Variants in PRKACB observed in about 807,000 individuals in gnomAD.
PRKACB encodes cAMP-dependent protein kinase catalytic subunit beta.
PRKACB carries 16 observed loss-of-function variants against 51.4 expected under a neutral mutation model. That is an observed-to-expected ratio of 0.31 (90% CI 0.21 to 0.47). The LOEUF is 0.47. Ranked by LOEUF, PRKACB falls within the 20% of genes least tolerant of loss-of-function variation. The probability of loss-of-function intolerance (pLI) is 1.00; values close to 1 mark genes in which losing one functional copy is unlikely to be tolerated. For synonymous variants in PRKACB, 147 were observed against 154.4 expected (o/e 0.95, Z 0.35); for missense variants, 309 against 464.5 (o/e 0.67, Z 3.08).
chr1:84,112,439 G>A (rs1301632649), intron 1 of PRKACB, among the ~76,000 whole-genome samples: 2 of 151,896 alleles, frequency 1.3e-5, no homozygotes, highest in African/African-American at 4.8e-5. Context: ...ATTTCACCAT[G>A]TTGGCCAGGC....
intron 1 of PRKACB, among the ~76,000 whole-genome samples, chr1:84,098,325 C>G (rs1284828225): frequency 1.3e-5 from 2 of 152,054 alleles, no homozygotes; most frequent in Non-Finnish European, 2.9e-5. Flanking sequence ...TTGATGAACA[C>G]AGCTTTTAAT....
chr1:84,137,564 A>C (rs1465113135), intron 1 of PRKACB, among the ~76,000 whole-genome samples: 3 of 152,234 alleles, frequency 2.0e-5, no homozygotes, highest in African/African-American at 7.2e-5. Context: ...GAGGTGAAAA[A>C]ATAATATAAC....
chr1:84,223,690 A>T, intron 9 of PRKACB, among the ~76,000 whole-genome samples: 1 of 151,700 alleles, frequency 6.6e-6, no homozygotes, highest in East Asian at 1.9e-4. Context: ...TTTTTATGCT[A>T]TCTCTCTGTT....
At chr1:84,204,395 C>T (rs1670992439) in intron 8 of PRKACB, 1 of 1,010,932 alleles carries the variant, frequency 9.9e-7, no homozygotes, top group Non-Finnish European at 1.5e-6. Context: ...CTTATTTAAA[C>T]AAGTATCAGT....
rs573403164 is a variant in PRKACB at position 84,164,320 on chromosome 1, A to G, written c.188-14857A>G. On this transcript the variant is annotated intron_variant, in intron 1 of 9. Coordinates refer to ENST00000370685, the MANE Select transcript of PRKACB (RefSeq NM_182948.4). ...TAGCAACAGCACACAGCATTTTAAT[A>G]TCAGTGAGGTCCACAGCTAGCAGTA... 9.1e-6 allele frequency: 14 copies of G among 1,533,032 alleles called. 1 individual carries two copies. The South Asian group carries it at 1.3e-4, about 15-fold the overall frequency. 95.0% of individuals were successfully genotyped at this position (1,533,032 alleles called of 1,614,324 possible).
In PRKACB at chr1:84,102,955, C is replaced by T. The variant is rs140650165; in HGVS notation, c.46+24584C>T. ...GCAATTTCTATTCCTATCTCACCATCGTGTATTGGGCAGATAACTTGTCTC... is the reference window on the plus strand; with the variant it reads ...GCAATTTCTATTCCTATCTCACCATTGTGTATTGGGCAGATAACTTGTCTC... On this transcript the variant is annotated intron_variant, in intron 1 of 8. Coordinates refer to the PRKACB transcript ENST00000370688. 4.8e-3 allele frequency among the ~76,000 whole-genome samples: 730 copies of T among 152,192 alleles called. 21 individuals are homozygous for T. Among genetic ancestry groups the T allele is most frequent in the Admixed American group, 0.041 (626 of 15,298 alleles).
intron 1 of PRKACB, among the ~76,000 whole-genome samples, chr1:84,085,271 C>T (rs978107932): frequency 6.6e-6 from 1 of 152,064 alleles, no homozygotes; most frequent in African/African-American, 2.4e-5. Flanking sequence ...GTTTTATTCC[C>T]CTGGAGTCCT....
intron 9 of PRKACB, among the ~76,000 whole-genome samples, chr1:84,218,000 G>C (rs642052): frequency 0.95 from 145,019 of 152,220 alleles, 69,485 homozygotes; most frequent in East Asian, 1. Context: ...GTCTATTTCT[G>C]AACTTTTTAA....
chr1:84,081,392 C>A (rs1316354323), intron 1 of PRKACB, among the ~76,000 whole-genome samples: 1 of 152,070 alleles, frequency 6.6e-6, no homozygotes, highest in South Asian at 2.1e-4. Flanking sequence ...TGTTGTTCTG[C>A]TGTAGTGAAT....
chr1:84,186,292 T>TA (rs1665087345), intron 5 of PRKACB, among the ~76,000 whole-genome samples: 1 of 151,978 alleles, frequency 6.6e-6, no homozygotes, highest in African/African-American at 2.4e-5. Flanking sequence ...CATTTCGACT[T>TA]ACTGCAACCT....
chr1:84,124,529 T>C (rs1204482206), intron 1 of PRKACB, among the ~76,000 whole-genome samples: 1 of 152,176 alleles, frequency 6.6e-6, no homozygotes, highest in Non-Finnish European at 1.5e-5. Context: ...GAAATATGTG[T>C]TTTTTAAAAC....
chr1:84,107,449 G>T (rs1649845920), intron 1 of PRKACB, among the ~76,000 whole-genome samples: 1 of 151,954 alleles, frequency 6.6e-6, no homozygotes, highest in Non-Finnish European at 1.5e-5. Flanking sequence ...AACGAAAATG[G>T]CACAAGCAAT....
intron 1 of PRKACB, among the ~76,000 whole-genome samples, chr1:84,159,227 T>C (rs1373252739): frequency 2.0e-5 from 3 of 152,266 alleles, no homozygotes; most frequent in African/African-American, 7.2e-5. Flanking sequence ...GATTAACTTG[T>C]AGAGAATTGT....
In PRKACB at chr1:84,174,992, A is replaced by G. The variant is rs1014797180; in HGVS notation, c.188-4185A>G. Reference sequence around the variant, plus strand: ...GTGACTTCATGCTAATATGTTATTCATATAATTTAATCATTTTCTAATTTA... The same window carrying G: ...GTGACTTCATGCTAATATGTTATTCGTATAATTTAATCATTTTCTAATTTA... On this transcript the variant is annotated intron_variant, in intron 1 of 9. Coordinates refer to ENST00000370685, the MANE Select transcript of PRKACB (RefSeq NM_182948.4). 2.8e-6 allele frequency: 4 copies of G among 1,436,984 alleles called. No homozygotes were observed. In the African/African-American group the frequency reaches 4.5e-5, roughly 16 times the overall value. The allele number at this position is 1,436,984 out of a possible 1,614,324, so 89.0% of individuals were successfully genotyped here. A position where few individuals can be genotyped will look rare whatever the true frequency, so the allele number is the denominator to read the frequency against.
upstream of PRKACB, among the ~76,000 whole-genome samples, chr1:84,140,009 G>A (rs929776810): frequency 6.6e-6 from 1 of 151,952 alleles, no homozygotes; most frequent in Non-Finnish European, 1.5e-5. Flanking sequence ...GCAGTGAGTC[G>A]AAATGACACC....
intron 1 of PRKACB, among the ~76,000 whole-genome samples, chr1:84,154,749 A>C (rs1655251688): frequency 6.6e-6 from 1 of 152,142 alleles, no homozygotes; most frequent in Non-Finnish European, 1.5e-5. Context: ...AAATCAACAT[A>C]TGTGATACAC....
chr1:84,129,382 TTAA>T (rs1210350926), intron 1 of PRKACB, among the ~76,000 whole-genome samples: 1 of 152,138 alleles, frequency 6.6e-6, no homozygotes, highest in Non-Finnish European at 1.5e-5. Flanking sequence ...CAATTTCATA[TTAA>T]TAATGACACC....
chr1:84,086,282 A>G (rs1221910549), intron 1 of PRKACB: 8 of 1,254,788 alleles, frequency 6.4e-6, no homozygotes, highest in Non-Finnish European at 9.3e-6. Context: ...ACCCCAGTAG[A>G]ACTTGGCCCT....
intron 9 of PRKACB, among the ~76,000 whole-genome samples, chr1:84,219,255 G>A (rs1026105690): frequency 4.1e-5 from 6 of 145,598 alleles, no homozygotes; most frequent in South Asian, 4.3e-4. Flanking sequence ...TTGGAGTTTC[G>A]CTCTTGTTGC....
Sources: allele counts gnomAD v4.1 joint callset (sites outside exome capture counted in the v4.1 genomes callset), GRCh38; gene constraint gnomAD v4.1.1; transcripts MANE v1.5; gene names NCBI Gene and HGNC (gene_info 2026-07-23, HGNC 2026-07-21).